KCNH8: variants seen among roughly 807,000 people sequenced by gnomAD.
KCNH8 encodes the protein voltage-gated delayed rectifier potassium channel KCNH8.
Under a neutral mutation model 103.6 loss-of-function variants are expected in KCNH8, and 70 were observed. The observed-to-expected ratio is 0.68, with a 90% CI of 0.56 to 0.82. The LOEUF is 0.82. KCNH8 is among the 40% of genes least tolerant of loss of function. The pLI, the probability that KCNH8 is intolerant of heterozygous loss-of-function variation, is 0.00. For synonymous variants in KCNH8, 498 were observed against 489.4 expected, an observed-to-expected ratio of 1.02 and a Z score of -0.23; for missense variants, 1,217 against 1,329.9, an observed-to-expected ratio of 0.92 and a Z score of 1.32.
intron 11 of KCNH8, among the ~76,000 whole-genome samples, chr3:19,492,830 C>CGTGTGTGTGT (rs67383228): frequency 1.6e-5 from 2 of 123,402 alleles, no homozygotes; most frequent in Non-Finnish European, 3.4e-5. Context: ...AATGTTTTTT[C>CGTGTGTGTGT]GTGTGTGTGT....
chr3:19,330,550 T>C (rs1203220096), intron 3 of KCNH8, among the ~76,000 whole-genome samples: 1 of 152,206 alleles, frequency 6.6e-6, no homozygotes, highest in Non-Finnish European at 1.5e-5. Flanking sequence ...GTTATTTTAA[T>C]ATTGGGAGCA....
At chr3:19,218,309 C>T (rs985279082) in intron 1 of KCNH8, among the ~76,000 whole-genome samples, 32 of 152,160 alleles carry the variant, frequency 2.1e-4, no homozygotes, top group African/African-American at 7.7e-4. Flanking sequence ...CGTCTTAGTA[C>T]TTGTCCCTGA....
chr3:19,284,141 C>T (rs530264283), intron 3 of KCNH8, among the ~76,000 whole-genome samples: 3 of 151,810 alleles, frequency 2.0e-5, no homozygotes. Context: ...TATGTCATAA[C>T]ATTAAAAAAA....
At chr3:19,355,319 G>A (rs748089763) in intron 5 of KCNH8, among the ~76,000 whole-genome samples, 2 of 152,216 alleles carry the variant, frequency 1.3e-5, no homozygotes, top group South Asian at 2.1e-4. Flanking sequence ...GTGGAAGACA[G>A]TATGGTGATT....
chr3:19,194,133 A>G (rs931318913), intron 1 of KCNH8, among the ~76,000 whole-genome samples: 1 of 151,564 alleles, frequency 6.6e-6, no homozygotes, highest in African/African-American at 2.4e-5. Context: ...TATGGCATTT[A>G]AAATTCTGCT....
At chr3:19,277,607 G>T (rs953093936) in intron 2 of KCNH8, among the ~76,000 whole-genome samples, 2 of 151,996 alleles carry the variant, frequency 1.3e-5, no homozygotes, top group Admixed American at 1.3e-4. Flanking sequence ...TCAATAAAAA[G>T]AAATACACAA....
chr3:19,343,824 C>T (rs183055570), intron 4 of KCNH8, among the ~76,000 whole-genome samples: 1 of 152,066 alleles, frequency 6.6e-6, no homozygotes, highest in African/African-American at 2.4e-5. Context: ...TGTATGAGCC[C>T]AGGGTGAGGA....
chr3:19,471,371 G>C (rs1047964641), intron 11 of KCNH8, among the ~76,000 whole-genome samples: 10 of 152,166 alleles, frequency 6.6e-5, no homozygotes, highest in Non-Finnish European at 1.3e-4. Flanking sequence ...CAGGAAGAGG[G>C]GGATGTGGAG....
intron 5 of KCNH8, among the ~76,000 whole-genome samples, chr3:19,352,151 G>A (rs1050822345): frequency 6.6e-6 from 1 of 152,076 alleles, no homozygotes; most frequent in African/African-American, 2.4e-5. Flanking sequence ...ATTACATAAT[G>A]GTAAAGGGAT....
intron 1 of KCNH8, among the ~76,000 whole-genome samples, chr3:19,151,842 C>T (rs774156836): frequency 6.6e-6 from 1 of 151,528 alleles, no homozygotes; most frequent in African/African-American, 2.4e-5. Flanking sequence ...TAATTTGCAA[C>T]CATTATTGAA....
intron 1 of KCNH8, among the ~76,000 whole-genome samples, chr3:19,212,450 A>T (rs1211052508): frequency 6.6e-6 from 1 of 152,192 alleles, no homozygotes; most frequent in East Asian, 1.9e-4. Flanking sequence ...TGGCCTTCAC[A>T]CAGCCAGCAC....
At position 19,168,072 on chromosome 3, in the gene KCNH8, G is replaced by A. The variant is rs189400478; in HGVS notation, c.76+19277G>A. ...GTCACCCAGGCTGGAGTGCAGTGGC[G>A]CGATCTTGGCTCACTGCAACCTCTG... On this transcript the variant is annotated intron_variant, in intron 1 of 15. Transcript: ENST00000328405. Among the ~76,000 whole-genome samples, 6 of 150,842 alleles carry A rather than the reference G, an allele frequency of 4.0e-5. No individual in the cohort carries two copies. In the East Asian group the frequency reaches 7.8e-4, roughly 20 times the overall value.
chr3:19,365,561 G>T (rs138798898), intron 5 of KCNH8, among the ~76,000 whole-genome samples: 2 of 151,908 alleles, frequency 1.3e-5, no homozygotes, highest in Admixed American at 6.6e-5. Flanking sequence ...TATAAAAATC[G>T]TAATGAACAT....
chr3:19,248,462 A>G (rs1273932840), intron 1 of KCNH8, among the ~76,000 whole-genome samples: 1 of 152,234 alleles, frequency 6.6e-6, no homozygotes, highest in African/African-American at 2.4e-5. Flanking sequence ...AGGAGATGTC[A>G]TCAATGAATT....
chr3:19,281,502 C>T (rs1316768462), intron 3 of KCNH8, among the ~76,000 whole-genome samples, 173 bp downstream of exon 3: 1 of 152,056 alleles, frequency 6.6e-6, no homozygotes, highest in African/African-American at 2.4e-5. Flanking sequence ...CATGCATTTA[C>T]ATTCTATCGT....
chr3:19,444,660 C>T (rs2067336121), intron 8 of KCNH8, among the ~76,000 whole-genome samples: 1 of 151,586 alleles, frequency 6.6e-6, no homozygotes, highest in South Asian at 2.1e-4. Flanking sequence ...AAAAATCAAT[C>T]AACGCCCTGA....
intron 2 of KCNH8, among the ~76,000 whole-genome samples, chr3:19,273,913 C>T (rs1257164886): frequency 2.0e-5 from 3 of 152,086 alleles, no homozygotes; most frequent in Non-Finnish European, 2.9e-5. Flanking sequence ...AATAGTGGTT[C>T]TACTCTTATT....
At chr3:19,498,233 T>C (rs1005707530) in intron 11 of KCNH8, among the ~76,000 whole-genome samples, 1 of 152,216 alleles carries the variant, frequency 6.6e-6, no homozygotes, top group African/African-American at 2.4e-5. Context: ...TTTAGCGCAT[T>C]TACATTCCAA....
chr3:19,256,980 A>G (rs954945457), intron 2 of KCNH8, among the ~76,000 whole-genome samples: 1 of 152,120 alleles, frequency 6.6e-6, no homozygotes, highest in African/African-American at 2.4e-5. Context: ...GCACATTTCT[A>G]CATCCCCAGT....
Sources: gnomAD v4.1 joint callset for allele counts (sites outside exome capture counted in the v4.1 genomes callset) on GRCh38, gnomAD v4.1.1 for gene constraint, MANE v1.5 for transcripts, NCBI Gene and HGNC (gene_info 2026-07-23, HGNC 2026-07-21) for gene names.